Variants in UTRN observed in about 807,000 individuals in gnomAD.
UTRN encodes the protein utrophin.
Under a neutral mutation model 463.9 loss-of-function variants are expected in UTRN, and 283 were observed. The observed-to-expected ratio is 0.61, with a 90% confidence interval of 0.55 to 0.67. UTRN has a LOEUF of 0.67. Among genes scored for constraint, UTRN ranks in the 30% least tolerant of loss-of-function variants. UTRN has a pLI of 0.00. For missense variants in UTRN, 3,922 were observed against 4,084.3 expected, an observed-to-expected ratio of 0.96 and a Z score of 1.08; for synonymous variants, 1,442 against 1,431.5, an observed-to-expected ratio of 1.01 and a Z score of -0.17.
At chr6:144,295,020 C>G (rs1804559076) in intron 2 of UTRN, among the ~76,000 whole-genome samples, 1 of 152,138 alleles carries the variant, frequency 6.6e-6, no homozygotes, top group Admixed American at 6.5e-5. Context: ...CTGTCTTTCT[C>G]TAACTTAAAA....
chr6:144,412,793 T>TCACAC (rs1562361654), intron 3 of UTRN, among the ~76,000 whole-genome samples: 5 of 139,808 alleles, frequency 3.6e-5, no homozygotes, highest in Admixed American at 1.4e-4. Flanking sequence ...ACACACACAG[T>TCACAC]AAACAATGGG....
intron 52 of UTRN, among the ~76,000 whole-genome samples, chr6:144,687,228 G>C (rs1262292595): frequency 6.6e-6 from 1 of 152,064 alleles, no homozygotes. Flanking sequence ...ATATTGGTCT[G>C]TACTTTTGTT....
chr6:144,294,817 A>T (rs1562713506), intron 2 of UTRN, among the ~76,000 whole-genome samples: 1 of 152,202 alleles, frequency 6.6e-6, no homozygotes. Context: ...TTATAATTTT[A>T]AAGCCATTTC....
intron 51 of UTRN, among the ~76,000 whole-genome samples, chr6:144,613,553 C>T (rs901980929): frequency 6.6e-6 from 1 of 151,946 alleles, no homozygotes; most frequent in Non-Finnish European, 1.5e-5. Context: ...TGATTTCATT[C>T]ATATCACATT....
chr6:144,681,061 C>G (rs1231178076), intron 52 of UTRN, among the ~76,000 whole-genome samples: 1 of 152,106 alleles, frequency 6.6e-6, no homozygotes, highest in Non-Finnish European at 1.5e-5. Context: ...TCGGATGAGC[C>G]TGTTCTGAAG....
chr6:144,583,357 C>A, intron 51 of UTRN: 1 of 525,240 alleles, frequency 1.9e-6, no homozygotes, highest in Non-Finnish European at 3.5e-6. Context: ...ACCTAACCCC[C>A]TGTATCTTTC....
chr6:144,543,644 C>T (rs923773552), intron 46 of UTRN, among the ~76,000 whole-genome samples: 1 of 152,096 alleles, frequency 6.6e-6, no homozygotes, highest in Non-Finnish European at 1.5e-5. Flanking sequence ...ACTTCCATGT[C>T]CACCTTCTAC....
chr6:144,762,985 G>A (rs1047795951), intron 58 of UTRN, among the ~76,000 whole-genome samples: 5 of 152,162 alleles, frequency 3.3e-5, no homozygotes, highest in African/African-American at 1.2e-4. Context: ...TGACTATTCT[G>A]TTCTTGTGAC....
At chr6:144,581,573 G>T (rs1249885895) in intron 51 of UTRN, among the ~76,000 whole-genome samples, 1 of 152,098 alleles carries the variant, frequency 6.6e-6, no homozygotes, top group African/African-American at 2.4e-5. Context: ...ATTTTCTCCT[G>T]TGCCCAGCTG....
chr6:144,438,930 A>G, intron 12 of UTRN, 35 bp downstream of exon 12: 1 of 1,608,460 alleles, frequency 6.2e-7, no homozygotes, highest in Non-Finnish European at 8.5e-7. Flanking sequence ...ATACCTTATC[A>G]AATATGAAAG....
chr6:144,728,061 A>G (rs1232811924), intron 53 of UTRN, among the ~76,000 whole-genome samples: 3 of 148,838 alleles, frequency 2.0e-5, no homozygotes, highest in African/African-American at 5.0e-5. Context: ...AGATTATGCC[A>G]CTTCACTCCA....
At chr6:144,392,549 C>A (rs1782031732) in intron 2 of UTRN, among the ~76,000 whole-genome samples, 1 of 152,216 alleles carries the variant, frequency 6.6e-6, no homozygotes, top group East Asian at 1.9e-4. Context: ...TTCTCATATT[C>A]ATTAATTAAC....
chr6:144,605,520 C>T (rs1488743677), intron 51 of UTRN, among the ~76,000 whole-genome samples: 1 of 151,672 alleles, frequency 6.6e-6, no homozygotes, highest in East Asian at 1.9e-4. Context: ...TTTTCCATTA[C>T]CATTCAGTTT....
intron 74 of UTRN, among the ~76,000 whole-genome samples, chr6:144,849,035 G>A (rs1160286875): frequency 6.6e-6 from 1 of 151,964 alleles, no homozygotes; most frequent in East Asian, 1.9e-4. Flanking sequence ...TGTGTGAGAG[G>A]GTTATGAGGG....
At chr6:144,561,248 TATATATATATATACATAC>T (rs1421218805) in intron 50 of UTRN, among the ~76,000 whole-genome samples, 33 of 65,532 alleles carry the variant, frequency 5.0e-4, no homozygotes, top group African/African-American at 1.8e-3. Flanking sequence ...TATATATATA[TATATATATATATACATAC>T]ACACACACAC....
intron 56 of UTRN, 106 bp from the exon 57 acceptor site, chr6:144,754,614 C>A: frequency 9.7e-6 from 9 of 928,578 alleles, no homozygotes; most frequent in Admixed American, 2.3e-5. Flanking sequence ...ACAATCATAT[C>A]CTGGGCAATA....
At chr6:144,401,278 G>A (rs9496957) in intron 2 of UTRN, among the ~76,000 whole-genome samples, 9,447 of 152,018 alleles carry the variant, frequency 0.062, 1,004 homozygotes, top group African/African-American at 0.22. Flanking sequence ...ACAAATAATT[G>A]GATTTTCCAA....
chr6:144,696,612 T>A (rs1784027937), intron 52 of UTRN, among the ~76,000 whole-genome samples: 1 of 152,172 alleles, frequency 6.6e-6, no homozygotes, highest in African/African-American at 2.4e-5. Context: ...CTAATAAAGG[T>A]ATTTTCTTTC....
chr6:144,384,280 G>A (rs956005217), intron 2 of UTRN, among the ~76,000 whole-genome samples: 2 of 152,090 alleles, frequency 1.3e-5, no homozygotes, highest in Non-Finnish European at 1.5e-5. Context: ...GGGGGTGAGC[G>A]GTGGGTAATC....
Sources: gnomAD v4.1 joint callset for allele counts (sites outside exome capture counted in the v4.1 genomes callset) on GRCh38, gnomAD v4.1.1 for gene constraint, MANE v1.5 for transcripts, NCBI Gene and HGNC (gene_info 2026-07-23, HGNC 2026-07-21) for gene names.